HK1: variants seen among roughly 807,000 people sequenced by gnomAD.
HK1 encodes the protein hexokinase-1.
HK1 carries 28 observed loss-of-function variants against 91.6 expected under a neutral mutation model. That is an observed-to-expected ratio of 0.31 (90% CI 0.23 to 0.42). HK1 has a LOEUF of 0.42. Ranked by LOEUF, HK1 falls within the 10% of genes least tolerant of loss-of-function variation. The probability of loss-of-function intolerance (pLI) is 1.00; values close to 1 mark genes in which losing one functional copy is unlikely to be tolerated. For synonymous variants in HK1, 430 were observed against 468.1 expected, an observed-to-expected ratio of 0.92 and a Z score of 1.05; for missense variants, 770 against 1,219.8, an observed-to-expected ratio of 0.63 and a Z score of 5.49.
At chr10:69,316,139 G>C (rs539691919), upstream of HK1, 46 of 822,814 alleles carry the variant, frequency 5.6e-5, no homozygotes, top group African/African-American at 7.0e-4. Flanking sequence ...AACAAATGGA[G>C]TGGACATGGT....
intron 1 of HK1, among the ~76,000 whole-genome samples, chr10:69,324,969 A>T (rs1385485873): frequency 6.6e-6 from 1 of 152,186 alleles, no homozygotes; most frequent in Non-Finnish European, 1.5e-5. Context: ...ACTTCTGGTA[A>T]ACAGTACACA....
chr10:69,384,596 C>T (rs1839543585), intron 11 of HK1, 115 bp downstream of exon 11: 1 of 1,453,166 alleles, frequency 6.9e-7, no homozygotes, highest in Admixed American at 1.7e-5. Context: ...GTCCTTGTGG[C>T]CCAGAAGCAC....
rs1471643264 is a variant in HK1 at position 69,369,858 on chromosome 10, C to T, written c.875+234C>T. ...GGTTCAAGCGATTCTCCTGCCTTAG[C>T]CTCCAAGTAGCTGGGATTACAGGCA... On this transcript the variant is annotated intron_variant, in intron 7 of 17. Transcript: ENST00000359426. The surrounding 1 kb of genome is among the most constrained non-coding windows in gnomAD (Gnocchi z 4.4). Among the ~76,000 whole-genome samples the T allele has an allele frequency of 6.6e-6, 1 of 152,142 alleles. No homozygotes were observed. Among genetic ancestry groups the T allele is most frequent in the Non-Finnish European group, 1.5e-5 (1 of 68,020 alleles).
intron 1 of HK1, among the ~76,000 whole-genome samples, chr10:69,325,044 A>ATTTTCTTTTTTTTTTTTTTTT (rs1847249116): frequency 1.1e-5 from 1 of 93,904 alleles, no homozygotes; most frequent in African/African-American, 4.3e-5. Context: ...AAAAATGTGT[A>ATTTTCTTTTTTTTTTTTTTTT]TTTTTTTTTT....
rs150363345 is a variant in HK1, at chr10:69,277,280, C to A, written c.-390-5249C>A. Among the ~76,000 whole-genome samples the A allele has an allele frequency of 5.9e-3, 894 of 152,230 alleles. 2 individuals carry two copies. The highest frequency in any genetic ancestry group is 0.01 in the Non-Finnish European group (697 of 67,992). On this transcript the variant is annotated intron_variant, in intron 1 of 21. Transcript: ENST00000360289. ...TGTCTCTGAAAGCATTTAAAATTTT[C>A]TTTTTGGCTGGGTGAAGTGGCTCAT...
intron 2 of HK1, among the ~76,000 whole-genome samples, chr10:69,284,225 G>A (rs1428394500): frequency 6.6e-6 from 1 of 152,190 alleles, no homozygotes; most frequent in Non-Finnish European, 1.5e-5. Flanking sequence ...TTAGCTTACA[G>A]CCATATGACC....
intron 4 of HK1, among the ~76,000 whole-genome samples, chr10:69,366,937 A>C (rs1318818558): frequency 1.3e-5 from 2 of 152,210 alleles, no homozygotes; most frequent in African/African-American, 4.8e-5. Flanking sequence ...GGCATGGGCT[A>C]GGCCCTGGGA....
intron 3 of HK1, 131 bp from the exon 4 acceptor site, chr10:69,364,652 C>G: frequency 1.7e-6 from 2 of 1,152,962 alleles, no homozygotes; most frequent in Non-Finnish European, 2.6e-6. Flanking sequence ...GCCACCAGGT[C>G]CCAGGAGTAC....
chr10:69,400,069 C>T (rs1840318578), intron 17 of HK1, among the ~76,000 whole-genome samples: 1 of 152,194 alleles, frequency 6.6e-6, no homozygotes, highest in African/African-American at 2.4e-5. Flanking sequence ...TTAACCCTGG[C>T]ACCGTCACTT....
intron 5 of HK1, among the ~76,000 whole-genome samples, chr10:69,306,159 A>G (rs1436044516): frequency 1.3e-5 from 2 of 151,960 alleles, no homozygotes; most frequent in Non-Finnish European, 2.9e-5. Context: ...GATTGAGACT[A>G]TCCTGGCTAA....
At chr10:69,274,402 A>G (rs1844335103) in intron 1 of HK1, among the ~76,000 whole-genome samples, 1 of 152,164 alleles carries the variant, frequency 6.6e-6, no homozygotes, top group South Asian at 2.1e-4. Flanking sequence ...GTTTGAGACC[A>G]GCCTGGCCAA....
chr10:69,312,769 A>G (rs1398851658), upstream of HK1, among the ~76,000 whole-genome samples: 2 of 152,144 alleles, frequency 1.3e-5, no homozygotes, highest in Non-Finnish European at 2.9e-5. Flanking sequence ...AGATAACGGG[A>G]AGGGGAAGGG....
intron 14 of HK1, among the ~76,000 whole-genome samples, chr10:69,390,672 G>A (rs1839858251): frequency 6.6e-6 from 1 of 152,136 alleles, no homozygotes; most frequent in Non-Finnish European, 1.5e-5. Context: ...GGTGTGTCTT[G>A]TGCCCTCCCG....
At chr10:69,280,520 C>T (rs553396873) in intron 1 of HK1, among the ~76,000 whole-genome samples, 38 of 152,300 alleles carry the variant, frequency 2.5e-4, no homozygotes, top group African/African-American at 8.7e-4. Flanking sequence ...TAATTGAAAC[C>T]TAATCTCCGA....
At chr10:69,387,249 C>G (rs1839681380) in intron 13 of HK1, among the ~76,000 whole-genome samples, 1 of 152,176 alleles carries the variant, frequency 6.6e-6, no homozygotes, top group South Asian at 2.1e-4. Context: ...AACACAGACA[C>G]AGATCCAAAT....
intron 1 of HK1, chr10:69,338,675 ATGTGAGTGTGTGTGTGTGTGTGTG>A (rs1848129027): frequency 8.3e-7 from 1 of 1,207,404 alleles, no homozygotes; most frequent in South Asian, 1.3e-5. Context: ...GATTATGGAG[ATGTGAGTGTGTGTGTGTGTGTGTG>A]TGTGTGTGTG....
At chr10:69,392,666 C>T (rs1416272772) in intron 15 of HK1, among the ~76,000 whole-genome samples, 2 of 152,178 alleles carry the variant, frequency 1.3e-5, no homozygotes, top group African/African-American at 4.8e-5. Flanking sequence ...GAAGCAGAGG[C>T]CCTGTCGCAA....
At chr10:69,376,314 C>T (rs538049818) in intron 7 of HK1, among the ~76,000 whole-genome samples, 19 of 151,916 alleles carry the variant, frequency 1.3e-4, no homozygotes, top group South Asian at 4.1e-4. Context: ...CCCATGAGTT[C>T]GAAACCAGCC....
chr10:69,327,418 G>A (rs550446111), intron 1 of HK1, among the ~76,000 whole-genome samples: 1 of 152,282 alleles, frequency 6.6e-6, no homozygotes, highest in South Asian at 2.1e-4. Flanking sequence ...TCATTAAACT[G>A]CTCTGGTTTC....
Sources: gnomAD v4.1 joint callset for allele counts (sites outside exome capture counted in the v4.1 genomes callset) on GRCh38, gnomAD v4.1.1 for gene constraint, Gnocchi (gnomAD v3.1) non-coding constraint, MANE v1.5 for transcripts, NCBI Gene and HGNC (gene_info 2026-07-23, HGNC 2026-07-21) for gene names.